TRHDE: variants seen among roughly 807,000 people sequenced by gnomAD.
TRHDE encodes thyrotropin releasing hormone degrading enzyme, also known as thyrotropin-releasing hormone-degrading ectoenzyme.
TRHDE carries 72 observed loss-of-function variants against 125.7 expected under a neutral mutation model. The observed-to-expected ratio is 0.57, with a 90% CI of 0.47 to 0.70. TRHDE has a LOEUF of 0.70. Ranked by LOEUF, TRHDE falls within the 30% of genes least tolerant of loss-of-function variation. The pLI is 0.00. For missense variants in TRHDE, 1,110 were observed against 1,327.1 expected, an observed-to-expected ratio of 0.84 and a Z score of 2.54; for synonymous variants, 509 against 509.1, an observed-to-expected ratio of 1.00 and a Z score of 0.00.
At chr12:72,637,631 G>C (rs1483637071) in intron 15 of TRHDE, among the ~76,000 whole-genome samples, 1 of 151,928 alleles carries the variant, frequency 6.6e-6, no homozygotes, top group Admixed American at 6.6e-5. Flanking sequence ...GCTTTCTCTT[G>C]TGGGCATGTA....
At chr12:72,370,823 A>G (rs1463418157) in intron 2 of TRHDE, among the ~76,000 whole-genome samples, 1 of 151,814 alleles carries the variant, frequency 6.6e-6, no homozygotes, top group East Asian at 1.9e-4. Context: ...GCTCACTGCA[A>G]CCTCTGCCTG....
At chr12:72,269,473 ATTAT>A (rs951119025), upstream of TRHDE, among the ~76,000 whole-genome samples, 2 of 152,224 alleles carry the variant, frequency 1.3e-5, no homozygotes, top group African/African-American at 2.4e-5. Flanking sequence ...TGGTAAATGT[ATTAT>A]TTAATTCTGA....
chr12:72,088,969 C>T (rs933832689), intron 1 of TRHDE, among the ~76,000 whole-genome samples: 2 of 152,148 alleles, frequency 1.3e-5, no homozygotes, highest in African/African-American at 4.8e-5. Flanking sequence ...TAGACCTCTC[C>T]ATTTGGATGG....
chr12:72,543,627 A>G (rs146774973), intron 7 of TRHDE, among the ~76,000 whole-genome samples: 142 of 151,456 alleles, frequency 9.4e-4, no homozygotes, highest in African/African-American at 3.1e-3. Context: ...AAAATATCTA[A>G]CTGTTCATAA....
At chr12:72,303,926 A>C (rs1345215666) in intron 2 of TRHDE, among the ~76,000 whole-genome samples, 2 of 152,186 alleles carry the variant, frequency 1.3e-5, no homozygotes, top group Non-Finnish European at 2.9e-5. Context: ...ACACAGTAAC[A>C]GTATCAGACA....
intron 15 of TRHDE, among the ~76,000 whole-genome samples, chr12:72,639,380 A>G (rs1873928103): frequency 6.6e-6 from 1 of 151,180 alleles, no homozygotes; most frequent in South Asian, 2.1e-4. Flanking sequence ...ACTTCTCTGT[A>G]TTGGTTATTC....
intron 5 of TRHDE, among the ~76,000 whole-genome samples, chr12:72,489,259 C>A (rs1877552312): frequency 1.4e-5 from 2 of 146,724 alleles, no homozygotes; most frequent in South Asian, 4.4e-4. Context: ...TTTTAGCTAG[C>A]CTAATTAAGA....
intron 13 of TRHDE, among the ~76,000 whole-genome samples, chr12:72,620,181 C>T (rs975288402): frequency 6.6e-6 from 1 of 151,692 alleles, no homozygotes; most frequent in Admixed American, 6.6e-5. Context: ...TATATTTGTA[C>T]ATTAGAATAG....
intron 3 of TRHDE, among the ~76,000 whole-genome samples, chr12:72,408,105 G>A (rs538214461): frequency 6.6e-6 from 1 of 152,328 alleles, no homozygotes; most frequent in South Asian, 2.1e-4. Flanking sequence ...GCAAGGGCAA[G>A]CAAGCTAGAA....
At chr12:72,097,440 A>ATTTTTTTTT (rs869290442) in intron 1 of TRHDE, among the ~76,000 whole-genome samples, 1,205 of 21,252 alleles carry the variant, frequency 0.057, 64 homozygotes, top group African/African-American at 0.11. Flanking sequence ...TTCTCACTGA[A>ATTTTTTTTT]TTTTTTTTTT....
At chr12:72,329,869 A>G (rs554387537) in intron 2 of TRHDE, among the ~76,000 whole-genome samples, 14 of 152,296 alleles carry the variant, frequency 9.2e-5, no homozygotes, top group African/African-American at 3.4e-4. Context: ...TTGTTCTCAT[A>G]AAAATTTAAG....
intron 2 of TRHDE, among the ~76,000 whole-genome samples, chr12:72,198,016 C>G (rs965117826): frequency 1.3e-5 from 2 of 152,048 alleles, no homozygotes; most frequent in African/African-American, 4.8e-5. Flanking sequence ...CTTTCTGTCT[C>G]TGTGGCATTG....
At chr12:72,455,290 G>A (rs998661511) in intron 3 of TRHDE, among the ~76,000 whole-genome samples, 2 of 152,022 alleles carry the variant, frequency 1.3e-5, no homozygotes, top group African/African-American at 2.4e-5. Flanking sequence ...TATGTGATCT[G>A]AAAATGCAGC....
chr12:72,102,107 G>A (rs189386038), intron 1 of TRHDE, among the ~76,000 whole-genome samples: 28 of 152,170 alleles, frequency 1.8e-4, no homozygotes, highest in Middle Eastern at 3.4e-3. Flanking sequence ...AACACAATTG[G>A]GAGTGTAGAG....
At chr12:72,333,579 G>A (rs888751616) in intron 2 of TRHDE, among the ~76,000 whole-genome samples, 1 of 152,208 alleles carries the variant, frequency 6.6e-6, no homozygotes, top group Non-Finnish European at 1.5e-5. Flanking sequence ...TAGGAACCCA[G>A]GAGATAGAAA....
chr12:72,565,474 A>G (rs1870396583), intron 9 of TRHDE, among the ~76,000 whole-genome samples: 1 of 152,190 alleles, frequency 6.6e-6, no homozygotes, highest in Admixed American at 6.5e-5. Context: ...TATAAAATAT[A>G]TTCTAGAATT....
intron 2 of TRHDE, among the ~76,000 whole-genome samples, chr12:72,343,989 T>TTA (rs889635551): frequency 1.2e-4 from 17 of 147,028 alleles, no homozygotes; most frequent in East Asian, 2.5e-4. Context: ...ATTACATTTC[T>TTA]TATATATATA....
intron 2 of TRHDE, among the ~76,000 whole-genome samples, chr12:72,161,673 A>G (rs1876641451): frequency 4.6e-5 from 7 of 152,152 alleles, no homozygotes; most frequent in Admixed American, 4.6e-4. Flanking sequence ...TAAGCTTTTT[A>G]GATTTGAGAA....
At chr12:72,378,148 G>T (rs1871980499) in intron 3 of TRHDE, 27 bp downstream of exon 3, 1 of 1,553,120 alleles carries the variant, frequency 6.4e-7, no homozygotes, top group Non-Finnish European at 8.7e-7. Flanking sequence ...TTATTTTATT[G>T]GAAGGGCTCC....
Sources: allele counts gnomAD v4.1 joint callset (sites outside exome capture counted in the v4.1 genomes callset), GRCh38; gene constraint gnomAD v4.1.1; transcripts MANE v1.5; gene names NCBI Gene and HGNC (gene_info 2026-07-23, HGNC 2026-07-21).